Variants in RBFOX1 observed in about 807,000 individuals in gnomAD.
The protein encoded by RBFOX1 is RNA binding protein fox-1 homolog 1.
A neutral mutation model predicts 57.7 loss-of-function variants in RBFOX1; 8 were observed. The observed-to-expected ratio is 0.14, with a 90% CI of 0.08 to 0.25. The LOEUF (loss-of-function observed/expected upper bound fraction) is 0.25. RBFOX1 is among the 10% of genes least tolerant of loss of function. The pLI is 1.00. For missense variants in RBFOX1, 611 were observed against 548.5 expected, an observed-to-expected ratio of 1.11 and a Z score of -1.14; for synonymous variants, 326 against 222.4, an observed-to-expected ratio of 1.47 and a Z score of -4.15.
intron 2 of RBFOX1, among the ~76,000 whole-genome samples, chr16:6,582,263 G>A (rs905178590): frequency 6.6e-6 from 1 of 152,110 alleles, no homozygotes; most frequent in Non-Finnish European, 1.5e-5. Flanking sequence ...TTTATGATTA[G>A]CTATTATTTC....
chr16:6,583,185 G>C (rs1340655333), intron 2 of RBFOX1, among the ~76,000 whole-genome samples: 2 of 152,160 alleles, frequency 1.3e-5, no homozygotes, highest in Non-Finnish European at 2.9e-5. Flanking sequence ...TTCAGCAAAA[G>C]GCCCAGGAGT....
At chr16:7,050,680 C>T (rs1293010359) in intron 3 of RBFOX1, among the ~76,000 whole-genome samples, 2 of 152,086 alleles carry the variant, frequency 1.3e-5, no homozygotes, top group East Asian at 3.8e-4. Context: ...GTCTTTTGAA[C>T]ATTTTTCATA....
intron 4 of RBFOX1, among the ~76,000 whole-genome samples, chr16:7,303,796 C>G (rs1320290349): frequency 2.6e-5 from 4 of 150,982 alleles, no homozygotes; most frequent in Admixed American, 6.6e-5. Flanking sequence ...TCTCCCCTCC[C>G]TCTCTCTTCC....
intron 4 of RBFOX1, among the ~76,000 whole-genome samples, chr16:5,944,317 T>C (rs7202046): frequency 0.71 from 107,222 of 151,874 alleles, 38,522 homozygotes; most frequent in African/African-American, 0.84. Context: ...GCTTTTGAGG[T>C]TCTGAACGAG....
chr16:6,076,413 C>G (rs954470174), intron 1 of RBFOX1, among the ~76,000 whole-genome samples: 1 of 152,060 alleles, frequency 6.6e-6, no homozygotes, highest in African/African-American at 2.4e-5. Flanking sequence ...TTCGGTAGGT[C>G]AGTAGGTTAG....
intron 2 of RBFOX1, among the ~76,000 whole-genome samples, chr16:6,625,484 C>G (rs946989541): frequency 6.6e-6 from 1 of 152,084 alleles, no homozygotes; most frequent in African/African-American, 2.4e-5. Flanking sequence ...AAGCTCCTTT[C>G]CTTTTCTAGG....
intron 3 of RBFOX1, among the ~76,000 whole-genome samples, chr16:6,799,400 A>C (rs1290858609): frequency 2.0e-5 from 3 of 152,146 alleles, no homozygotes; most frequent in Non-Finnish European, 1.5e-5. Context: ...CTTTTGCATT[A>C]ACCTAATAAG....
chr16:6,446,367 T>G (rs1371612708), intron 2 of RBFOX1, among the ~76,000 whole-genome samples: 2 of 152,190 alleles, frequency 1.3e-5, no homozygotes, highest in East Asian at 1.9e-4. Flanking sequence ...AGATTCCCAT[T>G]GCATCTTCAA....
At chr16:6,532,910 C>G (rs562333855) in intron 2 of RBFOX1, among the ~76,000 whole-genome samples, 1 of 152,348 alleles carries the variant, frequency 6.6e-6, no homozygotes, top group East Asian at 1.9e-4. Context: ...ACCAACACCA[C>G]TGGTCACTCT....
chr16:6,498,362 A>G (rs2095830974), intron 2 of RBFOX1, among the ~76,000 whole-genome samples: 2 of 152,198 alleles, frequency 1.3e-5, no homozygotes, highest in Admixed American at 1.3e-4. Flanking sequence ...ATATATTGAC[A>G]GAAGAGCAAA....
chr16:6,893,039 C>T lies in RBFOX1; in HGVS notation c.-15-159018C>T, dbSNP rs903054183. 3.9e-5 allele frequency among the ~76,000 whole-genome samples: 6 copies of T among 152,274 alleles called. No individual in the cohort carries two copies. In the East Asian group the frequency reaches 1.2e-3, roughly 29 times the overall value. ...AACACTGCAGTTACCTTTGCACCAACCGAATACATGATCTTTCTCTTCAGA... is the reference window on the plus strand; with the variant it reads ...AACACTGCAGTTACCTTTGCACCAATCGAATACATGATCTTTCTCTTCAGA... On this transcript the variant is annotated intron_variant, in intron 3 of 15. Coordinates refer to ENST00000550418, the MANE Select transcript of RBFOX1 (RefSeq NM_018723.4).
chr16:6,741,661 T>G (rs1210653341), intron 3 of RBFOX1, among the ~76,000 whole-genome samples: 1 of 146,152 alleles, frequency 6.8e-6, no homozygotes, highest in African/African-American at 2.5e-5. Flanking sequence ...AGAGCCAGAC[T>G]CAGTCTCAAA....
chr16:7,663,695 T>A (rs747766441), intron 12 of RBFOX1, among the ~76,000 whole-genome samples: 4 of 152,132 alleles, frequency 2.6e-5, no homozygotes, highest in Admixed American at 6.5e-5. Context: ...TCATAAGTCA[T>A]CTAGAAACAT....
chr16:5,713,121 A>T (rs1345612261), intron 3 of RBFOX1, among the ~76,000 whole-genome samples: 1 of 152,210 alleles, frequency 6.6e-6, no homozygotes, highest in East Asian at 1.9e-4. Flanking sequence ...CTCTAGTTGA[A>T]TGAACCGACA....
At chr16:5,876,756 A>G (rs2057622447) in intron 4 of RBFOX1, among the ~76,000 whole-genome samples, 1 of 152,204 alleles carries the variant, frequency 6.6e-6, no homozygotes, top group Non-Finnish European at 1.5e-5. Flanking sequence ...TCCCGGGCTC[A>G]TACTTCACTC....
At chr16:5,914,321 T>G (rs2058663746) in intron 4 of RBFOX1, among the ~76,000 whole-genome samples, 1 of 152,172 alleles carries the variant, frequency 6.6e-6, no homozygotes, top group South Asian at 2.1e-4. Flanking sequence ...GGGTCAGAAA[T>G]TAGGAAGTAG....
At chr16:7,708,814 G>A (rs1385451643) in intron 14 of RBFOX1, among the ~76,000 whole-genome samples, 3 of 87,986 alleles carry the variant, frequency 3.4e-5, no homozygotes, top group African/African-American at 8.7e-5. Flanking sequence ...AAAAGCATAT[G>A]TAAGTACGTG....
chr16:6,058,891 G>T (rs17139264), intron 1 of RBFOX1, among the ~76,000 whole-genome samples: 8,468 of 151,850 alleles, frequency 0.056, 410 homozygotes, highest in African/African-American at 0.12. Context: ...CAGCTATCAT[G>T]TATACAGTAA....
chr16:6,511,679 C>G (rs1051854069), intron 2 of RBFOX1, among the ~76,000 whole-genome samples: 6 of 152,098 alleles, frequency 3.9e-5, no homozygotes, highest in African/African-American at 1.4e-4. Flanking sequence ...AAACCTTTTG[C>G]TTTATTAAAG....
Sources: allele counts gnomAD v4.1 joint callset (sites outside exome capture counted in the v4.1 genomes callset), GRCh38; gene constraint gnomAD v4.1.1; transcripts MANE v1.5; gene names NCBI Gene and HGNC (gene_info 2026-07-23, HGNC 2026-07-21).